ZNF844: variants seen among roughly 807,000 people sequenced by gnomAD.
The protein encoded by ZNF844 is zinc finger protein 844.
A neutral mutation model predicts 11.4 loss-of-function variants in ZNF844; 11 were observed. The ratio of observed to expected loss-of-function variants is 0.97; its 90% CI spans 0.61 to 1.60. The LOEUF is 1.60. Ranked by LOEUF, ZNF844 falls within the 40% of genes most tolerant of loss-of-function variation. ZNF844 has a pLI of 0.00. For synonymous variants in ZNF844, 248 were observed against 260.3 expected (o/e 0.95, Z 0.46); for missense variants, 790 against 796.8 (o/e 0.99, Z 0.10).
At position 12,080,780 on chromosome 19, in the gene ZNF844, GTC is replaced by G. The variant is rs911121523; in HGVS notation, c.*3667_*3668del. The G allele has an allele frequency of 1.3e-5, 2 of 152,196 alleles. No homozygotes were observed. The highest frequency in any genetic ancestry group is 3.8e-4 in the East Asian group (2 of 5,196). 9.4% of individuals were successfully genotyped at this position (152,196 alleles called of 1,614,324 possible). A position where few individuals can be genotyped will look rare whatever the true frequency, so the allele number is the denominator to read the frequency against. ...TCTTTTTCTTTTTTTTTGAGACAAG[GTC>G]TCTCTCTGTCACCCAGGCTGGAGTA... On this transcript the variant is annotated 3_prime_UTR_variant, in exon 4 of 4. Transcript: ENST00000439326.
At chr19:12,071,696 GTT>G (rs562646552) in intron 1 of ZNF844, among the ~76,000 whole-genome samples, 9 of 136,100 alleles carry the variant, frequency 6.6e-5, no homozygotes, top group Non-Finnish European at 9.6e-5. Context: ...AATCAATTAG[GTT>G]TTTTTTTTTT....
In ZNF844 at chr19:12,080,363, A is replaced by G; in HGVS notation, c.*3242A>G. 2.6e-6 allele frequency: 1 copy of G among 383,082 alleles called. No individual in the cohort carries two copies. Among genetic ancestry groups the G allele is most frequent in the Non-Finnish European group, 5.0e-6 (1 of 198,752 alleles). 23.7% of individuals were successfully genotyped at this position (383,082 alleles called of 1,614,324 possible). A position where few individuals can be genotyped will look rare whatever the true frequency, so the allele number is the denominator to read the frequency against. ...CTCCGTCTCAAAAAAAAAAAAAAAA[A>G]AAAGAGAAGTCTGACAGGACAATAA... On this transcript the variant is annotated 3_prime_UTR_variant, in exon 4 of 4. Coordinates refer to ENST00000439326, the MANE Select transcript of ZNF844 (RefSeq NM_001136501.3).
chr19:12,079,730 A>G lies in ZNF844; in HGVS notation c.*2609A>G. 6.6e-6 allele frequency: 1 copy of G among 151,632 alleles called. No homozygotes were observed. The highest frequency in any genetic ancestry group is 1.5e-5 in the Non-Finnish European group (1 of 67,982). The allele number at this position is 151,632 out of a possible 1,614,324, so 9.4% of individuals were successfully genotyped here. A position where few individuals can be genotyped will look rare whatever the true frequency, so the allele number is the denominator to read the frequency against. On this transcript the variant is annotated 3_prime_UTR_variant, in exon 4 of 4. Coordinates refer to ENST00000439326, the MANE Select transcript of ZNF844 (RefSeq NM_001136501.3). Reference sequence around the variant, plus strand: ...GAGACCAAGGCAGGCAGATCACCTGAGGTCAGGAGTTCGAGACCAGCCTGG... The same window carrying G: ...GAGACCAAGGCAGGCAGATCACCTGGGGTCAGGAGTTCGAGACCAGCCTGG...
chr19:12,073,913 A>C, intron 1 of ZNF844, 118 bp from the exon 2 acceptor site: 11 of 1,367,866 alleles, frequency 8.0e-6, no homozygotes, highest in Non-Finnish European at 1.1e-5. Flanking sequence ...TCAGATGACC[A>C]AGAAATAGAA....
intron 1 of ZNF844, among the ~76,000 whole-genome samples, chr19:12,068,090 T>C (rs1415613906): frequency 6.6e-6 from 1 of 151,954 alleles, no homozygotes; most frequent in African/African-American, 2.4e-5. Flanking sequence ...TGTGGGATCC[T>C]TTGAGCTCAG....
intron 1 of ZNF844, among the ~76,000 whole-genome samples, chr19:12,067,939 A>AAAGAAGGAAAGAAG (rs1568357551): frequency 1.0e-5 from 1 of 98,070 alleles, no homozygotes; most frequent in African/African-American, 5.7e-5. Flanking sequence ...AAAGAAAGAA[A>AAAGAAGGAAAGAAG]GAAAGAAGGA....
In ZNF844 at chr19:12,077,895, C is replaced by T; in HGVS notation, c.*774C>T. The stretch of plus-strand genomic sequence containing the variant: ...CCAGGCTGGAGTGCAGTGGCGTGAT[C>T]TCAGCTCACTGCAAGCTCCACCTCC... On this transcript the variant is annotated 3_prime_UTR_variant, in exon 4 of 4. Transcript: ENST00000439326. The T allele has an allele frequency of 4.3e-6, 1 of 234,612 alleles. No individual in the cohort carries two copies. Among genetic ancestry groups the T allele is most frequent in the South Asian group, 5.1e-5 (1 of 19,722 alleles). 14.5% of individuals were successfully genotyped at this position (234,612 alleles called of 1,614,324 possible). A position where few individuals can be genotyped will look rare whatever the true frequency, so the allele number is the denominator to read the frequency against.
At chr19:12,074,330 T>C (rs1450877663) in intron 2 of ZNF844, 31 bp from the exon 3 acceptor site, 3 of 1,501,198 alleles carry the variant, frequency 2.0e-6, no homozygotes, top group African/African-American at 2.8e-5. Flanking sequence ...TTATTTTAAT[T>C]CAGGATTCTT....
intron 2 of ZNF844, 101 bp downstream of exon 2, chr19:12,074,258 G>A: frequency 2.6e-6 from 4 of 1,550,244 alleles, no homozygotes; most frequent in Non-Finnish European, 3.5e-6. Context: ...ATACTTTGAT[G>A]AATAAATGAG....
rs73514805 is a variant in ZNF844 at position 12,065,193 on chromosome 19, C to T, written c.3+317C>T. 5.2e-3 allele frequency among the ~76,000 whole-genome samples: 794 copies of T among 152,124 alleles called. 5 individuals are homozygous for T. The highest frequency in any genetic ancestry group is 0.018 in the African/African-American group (752 of 41,536). On this transcript the variant is annotated intron_variant, in intron 1 of 3. Transcript: ENST00000439326. ...ATATTGTGCGGGGCCACGGGAGGGT[C>T]ATGGGGGCAATCCCGCCTTGGGTGT...
Position 12,075,492 on chromosome 19 carries a change from T to C in ZNF844, c.372T>C (p.Ala124=), listed in dbSNP as rs1194238985. The C allele has an allele frequency of 1.9e-6, 3 of 1,613,558 alleles. No homozygotes were observed. In the South Asian group the frequency reaches 3.3e-5, roughly 18 times the overall value. The change falls in exon 4 of 4, where the codon GCT becomes GCC. Residue 124 remains alanine (A), a synonymous_variant. Coordinates refer to ENST00000439326, the MANE Select transcript of ZNF844 (RefSeq NM_001136501.3). Reference sequence around the variant, plus strand: ...CTTCCCTTAATAGGCACATTAGAGCTGACACTGCACACAAGCCGTCTGAGT... The same window carrying C: ...CTTCCCTTAATAGGCACATTAGAGCCGACACTGCACACAAGCCGTCTGAGT... ...GHSSLNRHIR[A]DTAHKPSEYQ...
rs1230658190 is a variant in ZNF844 at position 12,077,699 on chromosome 19, C to T, written c.*578C>T. The T allele has an allele frequency of 6.3e-6, 3 of 473,158 alleles. No individual in the cohort carries two copies. Among genetic ancestry groups the T allele is most frequent in the African/African-American group, 6.0e-5 (3 of 49,706 alleles). The allele number at this position is 473,158 out of a possible 1,614,324, so 29.3% of individuals were successfully genotyped here. ...AACTTCTGGTGCATGAAAGGACTCACACTGTAGAGCAACCCTATGAATATA... is the reference window on the plus strand; with the variant it reads ...AACTTCTGGTGCATGAAAGGACTCATACTGTAGAGCAACCCTATGAATATA... On this transcript the variant is annotated 3_prime_UTR_variant, in exon 4 of 4. Transcript: ENST00000439326.
At chr19:12,069,036 G>A (rs959749826) in intron 1 of ZNF844, among the ~76,000 whole-genome samples, 1 of 152,122 alleles carries the variant, frequency 6.6e-6, no homozygotes, top group African/African-American at 2.4e-5. Context: ...TCAGAGCCCT[G>A]GAAAACTGAG....
Position 12,079,648 on chromosome 19 carries a change from G to GA in ZNF844, c.*2536dup, listed in dbSNP as rs55955397. ...ACCCCAGCAGAGTGAGACTCCATCTGAAAAAAAAAGCAAGGGGCCGGCACG... is the reference window on the plus strand; with the variant it reads ...ACCCCAGCAGAGTGAGACTCCATCTGAAAAAAAAAAGCAAGGGGCCGGCACG... On this transcript the variant is annotated 3_prime_UTR_variant, in exon 4 of 4. Coordinates refer to ENST00000439326, the MANE Select transcript of ZNF844 (RefSeq NM_001136501.3). 42,129 of 148,364 alleles carry GA rather than the reference G, an allele frequency of 0.28. 9,803 individuals are homozygous for GA. The highest frequency in any genetic ancestry group is 0.65 in the African/African-American group (26,157 of 40,362). 9.2% of individuals were successfully genotyped at this position (148,364 alleles called of 1,614,324 possible). A position where few individuals can be genotyped will look rare whatever the true frequency, so the allele number is the denominator to read the frequency against.
intron 1 of ZNF844, among the ~76,000 whole-genome samples, chr19:12,066,552 T>TTTTG (rs1975691035): frequency 7.4e-6 from 1 of 134,768 alleles, no homozygotes; most frequent in Non-Finnish European, 1.6e-5. Context: ...TTTTTTTTTT[T>TTTTG]TTGTTGTTGT....
Position 12,078,241 on chromosome 19 carries a change from C to T in ZNF844, c.*1120C>T, listed in dbSNP as rs1003815758. 1.3e-5 allele frequency: 2 copies of T among 152,370 alleles called. No individual in the cohort carries two copies. The highest frequency in any genetic ancestry group is 4.8e-5 in the African/African-American group (2 of 41,408). The allele number at this position is 152,370 out of a possible 1,614,324, so 9.4% of individuals were successfully genotyped here. On this transcript the variant is annotated 3_prime_UTR_variant, in exon 4 of 4. Transcript: ENST00000439326. ...TCAAGCAATTCTCCTGCCTCAGGCT[C>T]CTGAGGAAAAAGATTCCTAGGATTA... is the stretch of plus-strand genomic sequence containing the variant.
chr19:12,072,227 G>T (rs568679843), intron 1 of ZNF844, among the ~76,000 whole-genome samples: 5 of 152,154 alleles, frequency 3.3e-5, no homozygotes, highest in African/African-American at 9.7e-5. Flanking sequence ...GGGACAGAAA[G>T]TTATTTTGTA....
In ZNF844 at chr19:12,081,455, G is replaced by C. The variant is rs992113211; in HGVS notation, c.*4334G>C. 5 of 152,130 alleles carry C rather than the reference G, an allele frequency of 3.3e-5. No individual in the cohort carries two copies. The highest frequency in any genetic ancestry group is 1.3e-4 in the Admixed American group (2 of 15,268). The allele number at this position is 152,130 out of a possible 1,614,324, so 9.4% of individuals were successfully genotyped here. A position where few individuals can be genotyped will look rare whatever the true frequency, so the allele number is the denominator to read the frequency against. On this transcript the variant is annotated 3_prime_UTR_variant, in exon 4 of 4. Transcript: ENST00000439326. ...AATTTTTTTGGCAACCAAGATTTCT[G>C]TACATGTGTCATAGAAATAGTTGAA...
chr19:12,074,659 G>T (rs1249859664), intron 3 of ZNF844, among the ~76,000 whole-genome samples: 3 of 152,166 alleles, frequency 2.0e-5, no homozygotes, highest in African/African-American at 7.2e-5. Flanking sequence ...TGGAGTTTGA[G>T]AAGAGCCTGA....
Sources: gnomAD v4.1 joint callset for allele counts (sites outside exome capture counted in the v4.1 genomes callset) on GRCh38, gnomAD v4.1.1 for gene constraint, MANE v1.5 for transcripts, NCBI Gene and HGNC (gene_info 2026-07-23, HGNC 2026-07-21) for gene names.